SLC22A9: variants seen among roughly 807,000 people sequenced by gnomAD.
SLC22A9 encodes the protein solute carrier family 22 member 9, also known as organic anion transporter 7.
A neutral mutation model predicts 50.1 loss-of-function variants in SLC22A9; 64 were observed. That is an observed-to-expected ratio of 1.28 (90% CI 1.04 to 1.57). The LOEUF (loss-of-function observed/expected upper bound fraction) is 1.57, where lower values mean the gene tolerates loss of function less well. Among genes scored for constraint, SLC22A9 ranks in the 40% most tolerant of loss-of-function variants. The pLI, the probability that SLC22A9 is intolerant of heterozygous loss-of-function variation, is 0.00. For missense variants in SLC22A9, 757 were observed against 676.1 expected, an observed-to-expected ratio of 1.12 and a Z score of -1.33; for synonymous variants, 261 against 242.5, an observed-to-expected ratio of 1.08 and a Z score of -0.71.
At chr11:63,393,535 C>G (rs1228387071) in intron 6 of SLC22A9, among the ~76,000 whole-genome samples, 1 of 152,028 alleles carries the variant, frequency 6.6e-6, no homozygotes, top group Non-Finnish European at 1.5e-5. Flanking sequence ...AACTTTTCCC[C>G]ATTCAGTATT....
chr11:63,396,511 C>T (rs1051545844), intron 6 of SLC22A9, among the ~76,000 whole-genome samples: 21 of 152,164 alleles, frequency 1.4e-4, no homozygotes, highest in African/African-American at 4.8e-4. Flanking sequence ...CTCTTTTCTA[C>T]TTCTGCAGTT....
intron 6 of SLC22A9, among the ~76,000 whole-genome samples, chr11:63,385,117 T>TTGTTGTTGTTGTTG (rs2014641281): frequency 6.8e-6 from 1 of 147,184 alleles, no homozygotes; most frequent in Admixed American, 6.8e-5. Flanking sequence ...TTTTTTTTTT[T>TTGTTGTTGTTGTTG]TTTTTTTTTT....
At chr11:63,381,027 G>C (rs756715190) in intron 5 of SLC22A9, among the ~76,000 whole-genome samples, 20 of 152,066 alleles carry the variant, frequency 1.3e-4, no homozygotes, top group Non-Finnish European at 2.4e-4. Flanking sequence ...TTTTATACAT[G>C]ACTGGATACC....
rs749731713 is a variant in SLC22A9, at chr11:63,408,110, A to G, written c.1289-2A>G. ...GAGGCCTTGTGTTCTTCCTTTCTCC[A>G]GAAATGCAGACGCTGCGTGAGGTTT... is the stretch of plus-strand genomic sequence containing the variant. On this transcript the variant is annotated splice_acceptor_variant, in intron 7 of 9. Transcript: ENST00000279178. LOFTEE classifies it high-confidence loss of function. 1 of 1,612,612 alleles carries G rather than the reference A, an allele frequency of 6.2e-7. No individual in the cohort carries two copies. Among genetic ancestry groups the G allele is most frequent in the Admixed American group, 1.7e-5 (1 of 59,870 alleles).
In SLC22A9 at chr11:63,371,214, T is replaced by C. The variant is rs574404521; in HGVS notation, c.482T>C (p.Ile161Thr). The C allele has an allele frequency of 1.1e-5, 18 of 1,613,072 alleles. No individual in the cohort carries two copies. In the South Asian group the frequency reaches 1.5e-4, roughly 14 times the overall value. The part of the protein sequence containing the change: ...VFMAGMMVGG[I>T]LGGHLSDRFG... ...ATGGCTGGAATGATGGTGGGAGGCA[T>C]CCTAGGCGGTCATTTATCAGACAGG... is the stretch of plus-strand genomic sequence containing the variant. Residue 161 changes from isoleucine (I) to threonine (T), a missense_variant, in exon 2 of 10, where the codon ATC (isoleucine) becomes ACC (threonine). Ile to Thr is a moderately conservative substitution (Grantham distance 89, BLOSUM62 -1). Transcript: ENST00000279178.
chr11:63,404,054 A>C (rs1490321214), intron 6 of SLC22A9, among the ~76,000 whole-genome samples: 1 of 152,162 alleles, frequency 6.6e-6, no homozygotes, highest in Non-Finnish European at 1.5e-5. Context: ...CCATATGTTC[A>C]TTGCAGCATT....
chr11:63,382,061 C>G, intron 5 of SLC22A9, 98 bp from the exon 6 acceptor site: 1 of 726,348 alleles, frequency 1.4e-6, no homozygotes, highest in East Asian at 2.6e-5. Flanking sequence ...ACAGAAAGTG[C>G]AGTCAACTCA....
chr11:63,385,431 A>C (rs1252498518), intron 6 of SLC22A9, among the ~76,000 whole-genome samples: 1 of 151,990 alleles, frequency 6.6e-6, no homozygotes, highest in African/African-American at 2.4e-5. Context: ...ATGAAGATGG[A>C]ATGTTTTTCC....
chr11:63,407,082 C>T (rs2015053942), intron 7 of SLC22A9, among the ~76,000 whole-genome samples: 1 of 152,162 alleles, frequency 6.6e-6, no homozygotes, highest in African/African-American at 2.4e-5. Flanking sequence ...CATAATACTG[C>T]TACTTCCTCT....
Position 63,406,544 on chromosome 11 carries a change from A to C in SLC22A9, c.1121A>C (p.His374Pro). The change falls in exon 7 of 10, where the codon CAT becomes CCT. Residue 374 changes from histidine to proline, a missense_variant. By Grantham distance (77) the His-to-Pro change is moderately conservative (BLOSUM62 -2). Coordinates refer to ENST00000279178, the MANE Select transcript of SLC22A9 (RefSeq NM_080866.3). Reference protein sequence around the residue: ...AYFGLNLHVQHLGNNVFLLQT... With the variant: ...AYFGLNLHVQPLGNNVFLLQT... ...TTTGGCCTTAATCTCCATGTCCAGC[A>C]TCTGGGGAACAATGTTTTCCTGTTG... The C allele has an allele frequency of 6.2e-7, 1 of 1,613,792 alleles. No homozygotes were observed. Among genetic ancestry groups the C allele is most frequent in the Non-Finnish European group, 8.5e-7 (1 of 1,179,784 alleles).
intron 2 of SLC22A9, 143 bp downstream of exon 2, chr11:63,371,381 G>T: frequency 3.3e-6 from 2 of 598,964 alleles, no homozygotes; most frequent in East Asian, 3.0e-5. Context: ...TTTTTAGTCC[G>T]TGTTTTGAGT....
At chr11:63,387,742 T>C (rs912287654) in intron 6 of SLC22A9, among the ~76,000 whole-genome samples, 2 of 152,156 alleles carry the variant, frequency 1.3e-5, no homozygotes, top group African/African-American at 2.4e-5. Context: ...TTGCTTTGGG[T>C]AGTATGGACA....
chr11:63,383,433 C>A (rs747001729), intron 6 of SLC22A9, among the ~76,000 whole-genome samples: 1 of 152,280 alleles, frequency 6.6e-6, no homozygotes, highest in East Asian at 1.9e-4. Flanking sequence ...ACCAGTAGAT[C>A]TCTCTGATCA....
intron 2 of SLC22A9, among the ~76,000 whole-genome samples, chr11:63,371,818 C>T (rs772676541): frequency 1.1e-4 from 17 of 152,168 alleles, no homozygotes; most frequent in Non-Finnish European, 2.2e-4. Flanking sequence ...CTATCTCAGT[C>T]TGTGGTGTGA....
At position 63,408,648 on chromosome 11, in the gene SLC22A9, A is replaced by G. The variant is rs773898092; in HGVS notation, c.1398-28A>G. On this transcript the variant is annotated intron_variant, in intron 8 of 9. Coordinates refer to ENST00000279178, the MANE Select transcript of SLC22A9 (RefSeq NM_080866.3). Reference sequence around the variant, plus strand: ...TTGCCTGTGTGGATTTTTAACAGATATTCTTGTATTGCTGTTTCCACTCAA... The same window carrying G: ...TTGCCTGTGTGGATTTTTAACAGATGTTCTTGTATTGCTGTTTCCACTCAA... 7 of 1,588,374 alleles carry G rather than the reference A, an allele frequency of 4.4e-6. No individual in the cohort carries two copies. In the East Asian group the frequency reaches 1.6e-4, roughly 36 times the overall value.
At position 63,408,893 on chromosome 11, in the gene SLC22A9, C is replaced by A. The variant is rs1204788946; in HGVS notation, c.1601+14C>A. 1 of 1,613,334 alleles carries A rather than the reference C, an allele frequency of 6.2e-7. No individual in the cohort carries two copies. The highest frequency in any genetic ancestry group is 1.3e-5 in the African/African-American group (1 of 74,986). On this transcript the variant is annotated intron_variant, in intron 9 of 9. Coordinates refer to ENST00000279178, the MANE Select transcript of SLC22A9 (RefSeq NM_080866.3). The stretch of plus-strand genomic sequence containing the variant: ...TGAGAAAAATGAGTGAGTAAATAGC[C>A]CGGTTGCCCCTCAGAGGATCTGTGT...
At chr11:63,375,845 A>C in intron 5 of SLC22A9, 77 bp downstream of exon 5, 1 of 1,540,316 alleles carries the variant, frequency 6.5e-7, no homozygotes, top group South Asian at 1.2e-5. Flanking sequence ...AGCAGTGTCC[A>C]TAAGGTAAAA....
chr11:63,374,425 T>C (rs2014424896), intron 4 of SLC22A9, among the ~76,000 whole-genome samples: 1 of 152,162 alleles, frequency 6.6e-6, no homozygotes, highest in African/African-American at 2.4e-5. Flanking sequence ...AAATTTCAGA[T>C]AAGGGATGAA....
intron 6 of SLC22A9, among the ~76,000 whole-genome samples, chr11:63,390,998 G>T (rs568504290): frequency 6.6e-6 from 1 of 151,904 alleles, no homozygotes; most frequent in Non-Finnish European, 1.5e-5. Context: ...GCTGTATCCC[G>T]TAGGTTTTGA....
Sources: allele counts gnomAD v4.1 joint callset (sites outside exome capture counted in the v4.1 genomes callset), GRCh38; gene constraint gnomAD v4.1.1; transcripts MANE v1.5; gene names NCBI Gene and HGNC (gene_info 2026-07-23, HGNC 2026-07-21).